The following IL1RAPL2 variants were observed in gnomAD, a reference collection of about 807,000 sequenced individuals.
IL1RAPL2 encodes the protein X-linked interleukin-1 receptor accessory protein-like 2.
Under a neutral mutation model 44.1 loss-of-function variants are expected in IL1RAPL2, and 3 were observed. The ratio of observed to expected loss-of-function variants is 0.07; its 90% CI spans 0.03 to 0.18. The LOEUF (loss-of-function observed/expected upper bound fraction) is 0.18, where lower values mean the gene tolerates loss of function less well. IL1RAPL2 is among the 10% of genes least tolerant of loss of function. IL1RAPL2 has a pLI of 1.00. For synonymous variants in IL1RAPL2, 181 were observed against 178.8 expected, an observed-to-expected ratio of 1.01 and a Z score of -0.10; for missense variants, 391 against 496.4, an observed-to-expected ratio of 0.79 and a Z score of 2.02.
At chrX:105,695,028 C>G (rs1280903776) in intron 6 of IL1RAPL2, among the ~76,000 whole-genome samples, 2 of 111,317 alleles carry the variant, frequency 1.8e-5, no homozygotes, top group Non-Finnish European at 3.8e-5. Context: ...GGAAGGTTAG[C>G]TTCATTTCTT....
intron 5 of IL1RAPL2, among the ~76,000 whole-genome samples, chrX:105,357,966 T>C (rs2035215627): frequency 9.7e-6 from 1 of 102,758 alleles, no homozygotes; most frequent in Non-Finnish European, 2.0e-5. Context: ...GCCCAAGAGT[T>C]TGAGGCTGCA....
At chrX:105,090,203 T>A (rs1281774744) in intron 2 of IL1RAPL2, among the ~76,000 whole-genome samples, 1 of 111,228 alleles carries the variant, frequency 9.0e-6, no homozygotes, top group Non-Finnish European at 1.9e-5. Flanking sequence ...CAGTTGTCCC[T>A]CAGTATCTCC....
intron 1 of IL1RAPL2, among the ~76,000 whole-genome samples, chrX:104,583,184 G>C (rs1928445718): frequency 1.8e-5 from 2 of 110,365 alleles, no homozygotes; most frequent in Non-Finnish European, 3.8e-5. Context: ...CACCATGCTT[G>C]GCCCAGGTTT....
At chrX:104,847,596 C>G (rs924049750) in intron 2 of IL1RAPL2, among the ~76,000 whole-genome samples, 7 of 111,715 alleles carry the variant, frequency 6.3e-5, no homozygotes, top group Non-Finnish European at 1.3e-4. Context: ...GTTACTGTAG[C>G]CTTGTAGTAT....
At chrX:104,908,369 T>C (rs763656191) in intron 2 of IL1RAPL2, among the ~76,000 whole-genome samples, 1 of 111,617 alleles carries the variant, frequency 9.0e-6, no homozygotes, top group Admixed American at 9.5e-5. Context: ...GTTATTTTGC[T>C]CGTTAGTTGA....
At chrX:105,568,805 G>T (rs1033220243) in intron 6 of IL1RAPL2, among the ~76,000 whole-genome samples, 5 of 111,710 alleles carry the variant, frequency 4.5e-5, no homozygotes, top group Admixed American at 2.9e-4. Context: ...TCCATTACCG[G>T]ATTATGTGGA....
intron 6 of IL1RAPL2, among the ~76,000 whole-genome samples, chrX:105,710,010 C>T (rs1253123061): frequency 9.0e-6 from 1 of 110,928 alleles, no homozygotes; most frequent in Non-Finnish European, 1.9e-5. Flanking sequence ...ACAACAATAA[C>T]AACAACAACA....
intron 2 of IL1RAPL2, among the ~76,000 whole-genome samples, chrX:104,696,028 G>A (rs766011799): frequency 1.8e-5 from 2 of 111,116 alleles, no homozygotes; most frequent in Non-Finnish European, 1.9e-5. Flanking sequence ...GCATGGTCTC[G>A]AACTCCTGAC....
At chrX:105,279,777 C>T (rs192150481) in intron 5 of IL1RAPL2, among the ~76,000 whole-genome samples, 315 of 112,350 alleles carry the variant, frequency 2.8e-3, no homozygotes, top group Non-Finnish European at 4.5e-3. Context: ...CACGCCTGGC[C>T]CATCTTAGTT....
At chrX:105,241,760 A>G (rs1218217616) in intron 4 of IL1RAPL2, among the ~76,000 whole-genome samples, 1 of 112,002 alleles carries the variant, frequency 8.9e-6, no homozygotes, top group Non-Finnish European at 1.9e-5. Flanking sequence ...AATTTCTCTT[A>G]CAAGTTTAAT....
chrX:105,000,614 C>T (rs1215296564), intron 2 of IL1RAPL2, among the ~76,000 whole-genome samples: 1 of 111,516 alleles, frequency 9.0e-6, no homozygotes, highest in Admixed American at 9.6e-5. Context: ...CACTCATGTG[C>T]TCAATAATTG....
chrX:105,690,690 T>C (rs1175394289), intron 6 of IL1RAPL2, among the ~76,000 whole-genome samples: 1 of 112,258 alleles, frequency 8.9e-6, no homozygotes, highest in Non-Finnish European at 1.9e-5. Context: ...TTCAATTTCC[T>C]TATTTTCTGA....
chrX:105,600,854 A>G (rs1352366487), intron 6 of IL1RAPL2, among the ~76,000 whole-genome samples: 6 of 111,001 alleles, frequency 5.4e-5, no homozygotes, highest in Non-Finnish European at 9.4e-5. Flanking sequence ...GACCATTCCA[A>G]TTGATGGTTC....
intron 7 of IL1RAPL2, among the ~76,000 whole-genome samples, chrX:105,730,593 A>G (rs1024232676): frequency 9.0e-6 from 1 of 111,450 alleles, no homozygotes; most frequent in Admixed American, 9.6e-5. Context: ...AACATTCTCA[A>G]GAATAGACCA....
Position 105,107,615 on chromosome X carries a change from G to T in IL1RAPL2, c.83-87860G>T, listed in dbSNP as rs1032706230. 1.8e-5 allele frequency among the ~76,000 whole-genome samples: 2 copies of T among 111,932 alleles called. 1 individual carries two copies. The highest frequency in any genetic ancestry group is 1.9e-4 in the Admixed American group (2 of 10,522). ...TAAAGTGGGGAGTTTGAAGAAGTAA[G>T]CAGCTGAGTGCTTCAGGAGGATTCA... On this transcript the variant is annotated intron_variant, in intron 2 of 10. Coordinates refer to ENST00000372582, the MANE Select transcript of IL1RAPL2 (RefSeq NM_017416.2).
chrX:105,647,219 G>A (rs751242027), intron 6 of IL1RAPL2, among the ~76,000 whole-genome samples: 32 of 112,146 alleles, frequency 2.9e-4, no homozygotes, highest in Non-Finnish European at 5.3e-4. Flanking sequence ...GTGGAAGCCA[G>A]CGATGGGTCT....
chrX:105,675,424 G>T (rs1008487310), intron 6 of IL1RAPL2, among the ~76,000 whole-genome samples: 3 of 111,386 alleles, frequency 2.7e-5, no homozygotes, highest in Admixed American at 1.9e-4. Flanking sequence ...ATAATCATGT[G>T]GTTTTTGTCT....
chrX:104,661,795 G>T (rs768030562), intron 2 of IL1RAPL2, among the ~76,000 whole-genome samples: 1 of 111,711 alleles, frequency 9.0e-6, no homozygotes, highest in South Asian at 3.8e-4. Flanking sequence ...GTTTAAGCTC[G>T]CATGGATGTT....
At chrX:105,534,111 C>T (rs372076500) in intron 6 of IL1RAPL2, among the ~76,000 whole-genome samples, 1 of 112,081 alleles carries the variant, frequency 8.9e-6, no homozygotes, top group African/African-American at 3.2e-5. Context: ...TCGGAATAAA[C>T]ATGTATTTAG....
Sources: allele counts gnomAD v4.1 joint callset (sites outside exome capture counted in the v4.1 genomes callset), GRCh38; gene constraint gnomAD v4.1.1; transcripts MANE v1.5; gene names NCBI Gene and HGNC (gene_info 2026-07-23, HGNC 2026-07-21).